MMD: variants seen among roughly 807,000 people sequenced by gnomAD.
The protein encoded by MMD is monocyte to macrophage differentiation factor.
MMD carries 22 observed loss-of-function variants against 33.6 expected under a neutral mutation model. The ratio of observed to expected loss-of-function variants is 0.66; its 90% confidence interval spans 0.47 to 0.94. The LOEUF (loss-of-function observed/expected upper bound fraction) is 0.94, where lower values mean the gene tolerates loss of function less well. Ranked by LOEUF, MMD falls within the 40% of genes least tolerant of loss-of-function variation. The pLI is 0.00. For synonymous variants in MMD, 97 were observed against 103.2 expected (o/e 0.94, Z 0.36); for missense variants, 242 against 309.8 (o/e 0.78, Z 1.64).
chr17:55,402,814 G>A (rs1279472410), intron 5 of MMD, among the ~76,000 whole-genome samples: 1 of 152,174 alleles, frequency 6.6e-6, no homozygotes, highest in East Asian at 1.9e-4. Flanking sequence ...ACTCAGCATT[G>A]CTAATTATGG....
chr17:55,408,191 C>T (rs573297622), intron 3 of MMD, among the ~76,000 whole-genome samples: 47 of 152,296 alleles, frequency 3.1e-4, no homozygotes, highest in Non-Finnish European at 6.0e-4. Context: ...GGGCAGACCA[C>T]CTCCCCGCAA....
intron 4 of MMD, chr17:55,404,330 G>C (rs57745288): frequency 0.13 from 60,976 of 476,754 alleles, 4,733 homozygotes; most frequent in East Asian, 0.45. Flanking sequence ...ACTCCAGTCT[G>C]GGCGACAGAG....
intron 4 of MMD, chr17:55,404,394 GAA>G: frequency 2.4e-6 from 2 of 845,688 alleles, no homozygotes; most frequent in Non-Finnish European, 2.8e-6. Context: ...TTTAAAAATA[GAA>G]CCAGCTAAAA....
At chr17:55,396,088 G>A (rs183779127) in intron 6 of MMD, among the ~76,000 whole-genome samples, 116 of 152,196 alleles carry the variant, frequency 7.6e-4, no homozygotes, top group African/African-American at 2.7e-3. Context: ...AACCAAGTAC[G>A]CAGGTTAGTT....
At chr17:55,421,448 C>T (rs1174552909) in intron 1 of MMD, among the ~76,000 whole-genome samples, 1 of 152,170 alleles carries the variant, frequency 6.6e-6, no homozygotes, top group Non-Finnish European at 1.5e-5. Context: ...GTCCGCAGAT[C>T]GCGAGGGGAG....
intron 4 of MMD, chr17:55,404,549 T>A: frequency 1.0e-6 from 1 of 985,342 alleles, no homozygotes; most frequent in Non-Finnish European, 1.2e-6. Flanking sequence ...GAGAAGAACC[T>A]GGAACAAAAT....
At chr17:55,400,393 CA>C (rs1278833920) in intron 6 of MMD, among the ~76,000 whole-genome samples, 3 of 151,844 alleles carry the variant, frequency 2.0e-5, no homozygotes, top group Non-Finnish European at 4.4e-5. Flanking sequence ...ACTAAAAATA[CA>C]AAAAATTAGC....
At chr17:55,410,460 T>C (rs1907717789) in intron 3 of MMD, among the ~76,000 whole-genome samples, 1 of 152,222 alleles carries the variant, frequency 6.6e-6, no homozygotes, top group Non-Finnish European at 1.5e-5. Flanking sequence ...GCAGAATCCA[T>C]TTCACAAGCA....
intron 3 of MMD, among the ~76,000 whole-genome samples, chr17:55,409,504 T>C (rs1401050999): frequency 6.6e-6 from 1 of 152,206 alleles, no homozygotes; most frequent in African/African-American, 2.4e-5. Context: ...ATAAGATCTT[T>C]CTCATGGAGT....
intron 5 of MMD, among the ~76,000 whole-genome samples, chr17:55,403,136 A>C (rs143634211): frequency 3.3e-5 from 5 of 152,276 alleles, no homozygotes; most frequent in Non-Finnish European, 5.9e-5. Context: ...CATATCCTAA[A>C]TGTTCTGACT....
chr17:55,412,144 C>A (rs1484031987), intron 2 of MMD, among the ~76,000 whole-genome samples: 1 of 152,114 alleles, frequency 6.6e-6, no homozygotes, highest in Non-Finnish European at 1.5e-5. Context: ...TGTCCTATTG[C>A]AATTGAAATC....
chr17:55,418,260 T>C (rs560836564), intron 1 of MMD, among the ~76,000 whole-genome samples: 1 of 152,328 alleles, frequency 6.6e-6, no homozygotes, highest in South Asian at 2.1e-4. Context: ...TTATTTCATC[T>C]TTTCCCACTG....
chr17:55,414,556 TCACACACACACACA>T lies in MMD; in HGVS notation c.27-338_27-325del, dbSNP rs58103743. 3.5e-3 allele frequency among the ~76,000 whole-genome samples: 430 copies of T among 122,962 alleles called. 1 individual carries two copies. The highest frequency in any genetic ancestry group is 0.013 in the African/African-American group (408 of 31,814). The allele number at this position is 122,962 out of a possible 152,430, so 80.7% of individuals were successfully genotyped here. On this transcript the variant is annotated intron_variant, in intron 1 of 6. Coordinates refer to ENST00000262065, the MANE Select transcript of MMD (RefSeq NM_012329.3). ...TTCAACTGGAACCCTCCTCCTCCAT[TCACACACACACACA>T]CACACACACACACACACACACACAC...
chr17:55,419,704 C>G lies in MMD; in HGVS notation c.26+1966G>C, dbSNP rs77609334. On this transcript the variant is annotated intron_variant, in intron 1 of 6. Transcript: ENST00000262065. Reference sequence around the variant, plus strand: ...CTTTATTTCCAAGTTAAAATTGATGCTTAGAACTATGTTTCCAACCTAGCT... The same window carrying G: ...CTTTATTTCCAAGTTAAAATTGATGGTTAGAACTATGTTTCCAACCTAGCT... 1.4e-3 allele frequency among the ~76,000 whole-genome samples: 217 copies of G among 152,242 alleles called. 3 individuals are homozygous for G. The highest frequency in any genetic ancestry group is 5.0e-3 in the African/African-American group (208 of 41,534).
chr17:55,396,721 A>G (rs949733346), intron 6 of MMD, among the ~76,000 whole-genome samples: 3 of 151,740 alleles, frequency 2.0e-5, no homozygotes, highest in Non-Finnish European at 4.4e-5. Context: ...GTTCAAGTGG[A>G]TTCTCCTGCC....
At chr17:55,419,126 T>C (rs1408023001) in intron 1 of MMD, among the ~76,000 whole-genome samples, 4 of 152,258 alleles carry the variant, frequency 2.6e-5, no homozygotes, top group African/African-American at 9.6e-5. Context: ...TTTCATTCTC[T>C]AAACCTATTT....
intron 6 of MMD, among the ~76,000 whole-genome samples, chr17:55,396,654 T>C (rs1461209051): frequency 6.6e-6 from 1 of 152,144 alleles, no homozygotes; most frequent in Admixed American, 6.5e-5. Context: ...TCTTGTTCTG[T>C]TGCCCAGGCT....
rs551343051 is a variant in MMD, at chr17:55,408,497, G to A, written c.270-677C>T. 2.0e-5 allele frequency among the ~76,000 whole-genome samples: 3 copies of A among 152,294 alleles called. No individual in the cohort carries two copies. The South Asian group carries it at 6.2e-4, about 32-fold the overall frequency. ...ATATGTACAAAGAGTTTGGTTCACT[G>A]AGGTCTATTCATAAAATGGATTAGA... On this transcript the variant is annotated intron_variant, in intron 3 of 6. Transcript: ENST00000262065.
At chr17:55,398,493 G>C (rs1907208755) in intron 6 of MMD, among the ~76,000 whole-genome samples, 1 of 151,394 alleles carries the variant, frequency 6.6e-6, no homozygotes, top group Admixed American at 6.6e-5. Context: ...TTAGGTATGT[G>C]TCACTTTCCA....
Sources: allele counts gnomAD v4.1 joint callset (sites outside exome capture counted in the v4.1 genomes callset), GRCh38; gene constraint gnomAD v4.1.1; transcripts MANE v1.5; gene names NCBI Gene and HGNC (gene_info 2026-07-23, HGNC 2026-07-21).